The following HMGCLL1 variants were observed in gnomAD, a reference collection of about 807,000 sequenced individuals.
The protein encoded by HMGCLL1 is 3-hydroxymethyl-3-methylglutaryl-CoA lyase, cytoplasmic.
Under a neutral mutation model 39.1 loss-of-function variants are expected in HMGCLL1, and 36 were observed. The ratio of observed to expected loss-of-function variants is 0.92; its 90% CI spans 0.71 to 1.22. HMGCLL1 has a LOEUF of 1.22. HMGCLL1 is among the 50% of genes most tolerant of loss of function. The probability of loss-of-function intolerance (pLI) is 0.00; values close to 1 mark genes in which losing one functional copy is unlikely to be tolerated. For missense variants in HMGCLL1, 451 were observed against 416.5 expected (o/e 1.08, Z -0.72); for synonymous variants, 149 against 144.0 (o/e 1.03, Z -0.25).
chr6:55,569,278 T>A (rs1771356896), intron 1 of HMGCLL1, among the ~76,000 whole-genome samples: 1 of 152,098 alleles, frequency 6.6e-6, no homozygotes, highest in Admixed American at 6.6e-5. Flanking sequence ...AAAGACAGAT[T>A]AGAGGAAACA....
At chr6:55,609,032 GC>G in the HMGCLL1 span, among the ~76,000 whole-genome samples, 1 of 152,250 alleles carries the variant, frequency 6.6e-6, no homozygotes, top group South Asian at 2.1e-4. Context: ...GGGAAACCAT[GC>G]TTTTTCCTTA....
chr6:55,556,046 A>T (rs542017285), intron 1 of HMGCLL1, among the ~76,000 whole-genome samples: 1 of 152,146 alleles, frequency 6.6e-6, no homozygotes, highest in Admixed American at 6.5e-5. Context: ...GAAGGAGAAA[A>T]GTTGCAATAA....
chr6:55,654,652 C>T, the HMGCLL1 span, among the ~76,000 whole-genome samples: 19 of 151,908 alleles, frequency 1.3e-4, no homozygotes, highest in Non-Finnish European at 2.2e-4. Context: ...TTGATCAGCA[C>T]TTCCTGATCA....
At chr6:55,439,588 T>C (rs774988492) in intron 7 of HMGCLL1, 29 bp from the exon 8 acceptor site, 15 of 1,605,492 alleles carry the variant, frequency 9.3e-6, no homozygotes, top group Non-Finnish European at 8.5e-7. Flanking sequence ...CACCTAAAGC[T>C]TGTGTGTTTA....
chr6:55,495,277 G>A, intron 7 of HMGCLL1, 142 bp downstream of exon 7: 1 of 594,592 alleles, frequency 1.7e-6, no homozygotes, highest in South Asian at 2.9e-5. Flanking sequence ...TTTCCCAAGT[G>A]CCTGTCATGT....
chr6:55,662,612 G>T, the HMGCLL1 span, among the ~76,000 whole-genome samples: 37 of 151,700 alleles, frequency 2.4e-4, no homozygotes, highest in East Asian at 5.9e-3. Flanking sequence ...TTTTTGCATC[G>T]ATGTTCATCA....
At chr6:55,574,776 A>C (rs1771683031) in intron 1 of HMGCLL1, among the ~76,000 whole-genome samples, 1 of 152,048 alleles carries the variant, frequency 6.6e-6, no homozygotes, top group East Asian at 1.9e-4. Context: ...TTATCATCTT[A>C]TTACATTTAA....
chr6:55,662,449 T>C, the HMGCLL1 span, among the ~76,000 whole-genome samples: 1 of 151,826 alleles, frequency 6.6e-6, no homozygotes, highest in Non-Finnish European at 1.5e-5. Flanking sequence ...ATCATGTGTT[T>C]CTTGTTTTTA....
At chr6:55,520,341 A>G (rs910407772) in intron 3 of HMGCLL1, among the ~76,000 whole-genome samples, 2 of 151,984 alleles carry the variant, frequency 1.3e-5, no homozygotes, top group East Asian at 3.9e-4. Flanking sequence ...AAAACTAAAA[A>G]TTGATAATCA....
chr6:55,668,062 T>C, the HMGCLL1 span, among the ~76,000 whole-genome samples: 1 of 151,994 alleles, frequency 6.6e-6, no homozygotes, highest in African/African-American at 2.4e-5. Context: ...AAAATATAAG[T>C]ACATGACTTG....
chr6:55,663,862 G>A, the HMGCLL1 span, among the ~76,000 whole-genome samples: 1 of 151,804 alleles, frequency 6.6e-6, no homozygotes, highest in Non-Finnish European at 1.5e-5. Context: ...CTCCTGTGTT[G>A]GGTGCATATA....
intron 1 of HMGCLL1, among the ~76,000 whole-genome samples, chr6:55,550,533 C>T (rs932697422): frequency 2.4e-4 from 36 of 151,884 alleles, no homozygotes; most frequent in Non-Finnish European, 3.5e-4. Flanking sequence ...AATAACGTCC[C>T]GCAAACAAAT....
chr6:55,463,766 T>A (rs1764684233), intron 7 of HMGCLL1, among the ~76,000 whole-genome samples: 1 of 152,344 alleles, frequency 6.6e-6, no homozygotes, highest in Non-Finnish European at 1.5e-5. Flanking sequence ...TTGATTGAGC[T>A]GTCCGTTTTT....
intron 7 of HMGCLL1, among the ~76,000 whole-genome samples, chr6:55,452,897 G>A (rs1379138312): frequency 6.6e-6 from 1 of 152,158 alleles, no homozygotes; most frequent in East Asian, 1.9e-4. Context: ...AAAGTAGAAT[G>A]TCATAGCTAT....
At chr6:55,557,182 T>C (rs1428491186) in intron 1 of HMGCLL1, among the ~76,000 whole-genome samples, 2 of 152,272 alleles carry the variant, frequency 1.3e-5, no homozygotes, top group Admixed American at 6.5e-5. Context: ...TTATACTACA[T>C]AGTCTTACAC....
chr6:55,583,268 A>G (rs560646001), upstream of HMGCLL1, among the ~76,000 whole-genome samples: 1 of 151,986 alleles, frequency 6.6e-6, no homozygotes, highest in Non-Finnish European at 1.5e-5. Context: ...ATATGTATAC[A>G]TGTGCCATGC....
In HMGCLL1 at chr6:55,574,128, T is replaced by C. The variant is rs186517612; in HGVS notation, c.108+4820A>G. ...AACATCATATATGTGTGTGTGTATA[T>C]ATATACATTAGTGTATATGTGTGTA... On this transcript the variant is annotated intron_variant, in intron 1 of 8. Transcript: ENST00000274901. Among the ~76,000 whole-genome samples the C allele has an allele frequency of 9.1e-3, 1,389 of 152,132 alleles. 11 individuals are homozygous for C. The highest frequency in any genetic ancestry group is 0.015 in the Non-Finnish European group (996 of 67,896).
chr6:55,642,878 G>A, the HMGCLL1 span, among the ~76,000 whole-genome samples: 2 of 152,054 alleles, frequency 1.3e-5, no homozygotes, highest in Admixed American at 1.3e-4. Flanking sequence ...ACTTATAAGT[G>A]AGAATATGCA....
At chr6:55,608,531 G>A in the HMGCLL1 span, among the ~76,000 whole-genome samples, 1 of 151,964 alleles carries the variant, frequency 6.6e-6, no homozygotes, top group Non-Finnish European at 1.5e-5. Flanking sequence ...TTAATTTTAG[G>A]GCAGCCAAGA....
Sources: gnomAD v4.1 joint callset for allele counts (sites outside exome capture counted in the v4.1 genomes callset) on GRCh38, gnomAD v4.1.1 for gene constraint, MANE v1.5 for transcripts, NCBI Gene and HGNC (gene_info 2026-07-23, HGNC 2026-07-21) for gene names.